NFKB1: variants seen among roughly 807,000 people sequenced by gnomAD.
NFKB1 encodes nuclear factor kappa B subunit 1, also known as nuclear factor NF-kappa-B p105 subunit.
In NFKB1, 9 loss-of-function variants were observed where a neutral mutation model predicts 105.1. The observed-to-expected ratio is 0.09, with a 90% CI of 0.05 to 0.15. The LOEUF (loss-of-function observed/expected upper bound fraction) is 0.15. Among genes scored for constraint, NFKB1 ranks in the 10% least tolerant of loss-of-function variants. NFKB1 has a pLI of 1.00. For synonymous variants in NFKB1, 440 were observed against 442.2 expected (o/e 1.00, Z 0.06); for missense variants, 830 against 1,203.7 (o/e 0.69, Z 4.59).
Position 102,557,973 on chromosome 4 carries a change from G to C in NFKB1, c.259-9014G>C, listed in dbSNP as rs541512900. 3.3e-5 allele frequency among the ~76,000 whole-genome samples: 5 copies of C among 151,030 alleles called. No homozygotes were observed. The South Asian group carries it at 1.0e-3, about 32-fold the overall frequency. ...ATTTAGACCAGTGTTCTGCTCTGGT[G>C]TGTAATAATCATATTCTAATTTAAA... On this transcript the variant is annotated intron_variant, in intron 5 of 23. Coordinates refer to ENST00000226574, the MANE Select transcript of NFKB1 (RefSeq NM_003998.4).
intron 5 of NFKB1, among the ~76,000 whole-genome samples, chr4:102,552,761 A>G (rs1722712350): frequency 6.6e-6 from 1 of 152,208 alleles, no homozygotes; most frequent in African/African-American, 2.4e-5. Flanking sequence ...CATAAAGTTA[A>G]GACATAAAAG....
chr4:102,609,166 A>AAAAAAAAAAAAAAAAAAAAAT (rs1338929952), intron 19 of NFKB1, among the ~76,000 whole-genome samples: 2 of 150,980 alleles, frequency 1.3e-5, no homozygotes, highest in African/African-American at 4.9e-5. Flanking sequence ...CTCAAAAAAA[A>AAAAAAAAAAAAAAAAAAAAAT]AAAAGAAAAA....
chr4:102,591,046 G>T (rs1726127443), intron 11 of NFKB1, among the ~76,000 whole-genome samples: 1 of 152,182 alleles, frequency 6.6e-6, no homozygotes, highest in Non-Finnish European at 1.5e-5. Flanking sequence ...TTGGAAGCTA[G>T]CAGAGGTTGG....
At chr4:102,558,091 A>G (rs979778939) in intron 5 of NFKB1, among the ~76,000 whole-genome samples, 1 of 146,690 alleles carries the variant, frequency 6.8e-6, no homozygotes, top group Non-Finnish European at 1.5e-5. Flanking sequence ...TTTGTTACAT[A>G]GGTAGACGTG....
At chr4:102,580,012 G>A (rs1340072491) in intron 8 of NFKB1, among the ~76,000 whole-genome samples, 2 of 151,248 alleles carry the variant, frequency 1.3e-5, no homozygotes, top group Admixed American at 1.3e-4. Flanking sequence ...CCACAAGAAA[G>A]TTTTGCCTCT....
intron 4 of NFKB1, among the ~76,000 whole-genome samples, chr4:102,534,981 A>G (rs28595328): frequency 0.058 from 8,882 of 152,198 alleles, 291 homozygotes; most frequent in African/African-American, 0.095. Flanking sequence ...TTGAAATTAG[A>G]TGAAAGTTTT....
At chr4:102,507,978 A>C (rs1320406303) in intron 1 of NFKB1, among the ~76,000 whole-genome samples, 1 of 152,200 alleles carries the variant, frequency 6.6e-6, no homozygotes, top group Non-Finnish European at 1.5e-5. Flanking sequence ...AGTTCATTTA[A>C]ATAGTGAAAA....
intron 1 of NFKB1, among the ~76,000 whole-genome samples, chr4:102,517,082 C>T (rs1740237907): frequency 2.0e-5 from 3 of 152,170 alleles, no homozygotes; most frequent in African/African-American, 7.2e-5. Flanking sequence ...CCTACACTAT[C>T]ACAGCTTGGT....
In NFKB1 at chr4:102,600,942, A is replaced by C; in HGVS notation, c.1685A>C (p.Asp562Ala). 1 of 1,612,844 alleles carries C rather than the reference A, an allele frequency of 6.2e-7. No individual in the cohort carries two copies. The highest frequency in any genetic ancestry group is 8.5e-7 in the Non-Finnish European group (1 of 1,178,896). ...IIHLHSQLVR[D>A]LLEVTSGLIS... ...CACCTTCATTCTCAACTTGTGAGGGATCTACTAGAAGTCACATCTGGTTTG... is the reference window on the plus strand; with the variant it reads ...CACCTTCATTCTCAACTTGTGAGGGCTCTACTAGAAGTCACATCTGGTTTG... The change falls in exon 16 of 24, where the codon GAT (aspartate) becomes GCT (alanine). Residue 562 changes from aspartate (D) to alanine (A), a missense_variant. Coordinates refer to ENST00000226574, the MANE Select transcript of NFKB1 (RefSeq NM_003998.4).
chr4:102,517,425 G>C (rs1345607982), intron 1 of NFKB1, among the ~76,000 whole-genome samples: 2 of 152,144 alleles, frequency 1.3e-5, no homozygotes, highest in Non-Finnish European at 2.9e-5. Context: ...TGACAAACTT[G>C]AAATTGCAGT....
At chr4:102,560,433 T>C (rs1029297931) in intron 5 of NFKB1, among the ~76,000 whole-genome samples, 3 of 152,214 alleles carry the variant, frequency 2.0e-5, no homozygotes, top group Admixed American at 6.5e-5. Context: ...TTATTTATTA[T>C]GTCAAATGGC....
At chr4:102,551,367 T>TGTGTGTGTGTGTGTGTGTGTGTGCGC (rs370790173) in intron 5 of NFKB1, among the ~76,000 whole-genome samples, 2 of 150,204 alleles carry the variant, frequency 1.3e-5, no homozygotes, top group African/African-American at 4.9e-5. Flanking sequence ...TGTGTGTGTG[T>TGTGTGTGTGTGTGTGTGTGTGTGCGC]GCGCGCGCGC....
rs527461035 is a variant in NFKB1 at position 102,521,531 on chromosome 4, T to C, written c.-7-3981T>C. Among the ~76,000 whole-genome samples, 23 of 152,350 alleles carry C rather than the reference T, an allele frequency of 1.5e-4. No homozygotes were observed. The South Asian group carries it at 4.3e-3, about 29-fold the overall frequency. ...TTTTATTTTTTCAAACTGAAAATCA[T>C]TTTAATGAGTTCGAAAAGGTTTTAT... On this transcript the variant is annotated intron_variant, in intron 1 of 23. Coordinates refer to ENST00000226574, the MANE Select transcript of NFKB1 (RefSeq NM_003998.4).
At chr4:102,574,723 A>C (rs982424797) in intron 6 of NFKB1, among the ~76,000 whole-genome samples, 1 of 151,978 alleles carries the variant, frequency 6.6e-6, no homozygotes, top group African/African-American at 2.4e-5. Flanking sequence ...GTGTCTAAAA[A>C]CCATTTCTTC....
intron 6 of NFKB1, among the ~76,000 whole-genome samples, chr4:102,570,343 G>A (rs913374974): frequency 6.6e-6 from 1 of 152,108 alleles, no homozygotes; most frequent in Non-Finnish European, 1.5e-5. Context: ...AGTTTGCTAA[G>A]GACAGTGGCC....
chr4:102,577,942 C>T lies in NFKB1; in HGVS notation c.571+903C>T, dbSNP rs922427957. 2.1e-5 allele frequency: 21 copies of T among 985,288 alleles called. No individual in the cohort carries two copies. The East Asian group carries it at 4.5e-4, about 21-fold the overall frequency. 61.0% of individuals were successfully genotyped at this position (985,288 alleles called of 1,614,324 possible). A position where few individuals can be genotyped will look rare whatever the true frequency, so the allele number is the denominator to read the frequency against. ...GAAGTTCTGTATCTTGTTGCTGCTC[C>T]GTGTCTCCGTTTTGCCTACAAAATC... On this transcript the variant is annotated intron_variant, in intron 7 of 23. Transcript: ENST00000226574.
intron 11 of NFKB1, among the ~76,000 whole-genome samples, chr4:102,589,558 T>C (rs1726002037): frequency 6.6e-6 from 1 of 152,110 alleles, no homozygotes; most frequent in African/African-American, 2.4e-5. Flanking sequence ...TTTCCCCTGC[T>C]TCATCTTTCA....
At chr4:102,526,980 G>A (rs1235908811) in intron 2 of NFKB1, among the ~76,000 whole-genome samples, 1 of 151,632 alleles carries the variant, frequency 6.6e-6, no homozygotes. Context: ...ATAATCATTT[G>A]GAAGCAATTT....
At chr4:102,551,367 T>TGTGTGTGC (rs370790173) in intron 5 of NFKB1, among the ~76,000 whole-genome samples, 71 of 150,204 alleles carry the variant, frequency 4.7e-4, no homozygotes, top group African/African-American at 1.6e-3. Flanking sequence ...TGTGTGTGTG[T>TGTGTGTGC]GCGCGCGCGC....
Sources: allele counts gnomAD v4.1 joint callset (sites outside exome capture counted in the v4.1 genomes callset), GRCh38; gene constraint gnomAD v4.1.1; transcripts MANE v1.5; gene names NCBI Gene and HGNC (gene_info 2026-07-23, HGNC 2026-07-21).